DNAJC13: variants seen among roughly 807,000 people sequenced by gnomAD.
DNAJC13 encodes dnaJ homolog subfamily C member 13.
In DNAJC13, 75 loss-of-function variants were observed where a neutral mutation model predicts 290.5. The ratio of observed to expected loss-of-function variants is 0.26; its 90% confidence interval spans 0.21 to 0.31. The LOEUF (loss-of-function observed/expected upper bound fraction) is 0.31, where lower values mean the gene tolerates loss of function less well. DNAJC13 is among the 10% of genes least tolerant of loss of function. The pLI is 1.00. For synonymous variants in DNAJC13, 862 were observed against 892.0 expected (o/e 0.97, Z 0.60); for missense variants, 2,260 against 2,674.5 (o/e 0.85, Z 3.42).
At chr3:132,511,367 C>A (rs1935775431) in intron 44 of DNAJC13, 123 bp downstream of exon 44, 2 of 1,135,888 alleles carry the variant, frequency 1.8e-6, no homozygotes, top group Non-Finnish European at 2.5e-6. Flanking sequence ...ATTAATATAA[C>A]ATTACAGGGA....
At chr3:132,486,059 T>C (rs1328029833) in intron 29 of DNAJC13, among the ~76,000 whole-genome samples, 1 of 148,376 alleles carries the variant, frequency 6.7e-6, no homozygotes, top group Non-Finnish European at 1.5e-5. Flanking sequence ...GAAAAAGACT[T>C]CTAAATACAG....
intron 13 of DNAJC13, among the ~76,000 whole-genome samples, chr3:132,458,988 G>A (rs1159607185): frequency 7.2e-5 from 11 of 151,980 alleles, no homozygotes; most frequent in Admixed American, 7.2e-4. Context: ...TCCTTAACAG[G>A]CCTTGTCAAG....
intron 38 of DNAJC13, 118 bp downstream of exon 38, chr3:132,499,926 C>T (rs1392197544): frequency 5.8e-6 from 5 of 862,646 alleles, no homozygotes; most frequent in Non-Finnish European, 9.2e-6. Context: ...CTCCACCCCA[C>T]CCCAAGTTTC....
chr3:132,421,360 A>G (rs559683614), intron 1 of DNAJC13, among the ~76,000 whole-genome samples: 1 of 152,358 alleles, frequency 6.6e-6, no homozygotes, highest in African/African-American at 2.4e-5. Flanking sequence ...AGCAGAATTG[A>G]CTATATGCAT....
intron 53 of DNAJC13, among the ~76,000 whole-genome samples, chr3:132,527,667 T>C (rs1559914518): frequency 6.6e-6 from 1 of 152,250 alleles, no homozygotes; most frequent in Non-Finnish European, 1.5e-5. Context: ...CTAAATGTCT[T>C]TTATTTCTTC....
chr3:132,482,345 G>GC lies in DNAJC13; in HGVS notation c.2979+15_2979+16insC, dbSNP rs1451971820. The GC allele has an allele frequency of 6.2e-7, 1 of 1,604,666 alleles. No homozygotes were observed. Among genetic ancestry groups the GC allele is most frequent in the South Asian group, 1.1e-5 (1 of 90,508 alleles). The stretch of plus-strand genomic sequence containing the variant: ...GATTTCATGAGGTATGTATCTTGGA[G>GC]ATACTTTTGGTGAAGGTCTCAGCAT... On this transcript the variant is annotated intron_variant, in intron 27 of 55. Transcript: ENST00000260818.
intron 14 of DNAJC13, among the ~76,000 whole-genome samples, chr3:132,460,727 G>A (rs1223512482): frequency 6.6e-6 from 1 of 152,184 alleles, no homozygotes; most frequent in African/African-American, 2.4e-5. Flanking sequence ...AGGAACATAA[G>A]CAGATTGCCA....
intron 2 of DNAJC13, among the ~76,000 whole-genome samples, chr3:132,440,370 TAGCAATA>T (rs1373132897): frequency 1.3e-5 from 2 of 152,252 alleles, no homozygotes; most frequent in African/African-American, 4.8e-5. Flanking sequence ...AGTGGAATAA[TAGCAATA>T]GGAATAGCTA....
At chr3:132,515,362 G>A (rs564252682) in intron 46 of DNAJC13, among the ~76,000 whole-genome samples, 3 of 152,190 alleles carry the variant, frequency 2.0e-5, no homozygotes, top group East Asian at 1.9e-4. Flanking sequence ...AGAAGGAACC[G>A]TGTCGTTCAT....
At chr3:132,490,545 G>T (rs1935030284) in intron 31 of DNAJC13, among the ~76,000 whole-genome samples, 1 of 152,128 alleles carries the variant, frequency 6.6e-6, no homozygotes, top group Admixed American at 6.5e-5. Context: ...TATAATGCAG[G>T]ATAATTGATG....
At chr3:132,454,240 G>T in intron 9 of DNAJC13, 83 bp downstream of exon 9, 2 of 877,370 alleles carry the variant, frequency 2.3e-6, no homozygotes, top group Non-Finnish European at 3.4e-6. Flanking sequence ...AAGATATGTA[G>T]TCTAGAAATT....
Position 132,513,059 on chromosome 3 carries a change from G to T in DNAJC13, c.5345G>T (p.Arg1782Leu). Residue 1782 changes from arginine to leucine, a missense_variant, in exon 45 of 56, where the codon CGA (arginine) becomes CTA (leucine). Physicochemically the swap from Arg to Leu is moderately radical, Grantham distance 102. Transcript: ENST00000260818. The part of the protein sequence containing the change: ...GHFKLIFSLL[R>L]VHGAGQVQQL... The stretch of plus-strand genomic sequence containing the variant: ...TTTAAGTTGATATTTTCTCTTCTCC[G>T]AGTTCATGGAGCTGGTCAAGTGCAG... 6.2e-7 allele frequency: 1 copy of T among 1,613,282 alleles called. No individual in the cohort carries two copies. The highest frequency in any genetic ancestry group is 8.5e-7 in the Non-Finnish European group (1 of 1,179,458).
At position 132,467,534 on chromosome 3, in the gene DNAJC13, C is replaced by T. The variant is rs184767169; in HGVS notation, c.2208+221C>T. ...AGGCTGGAGTGCAGTGGAGCGATCT[C>T]GTCTCACTGCAAGCTCCGCCTCCTG... is the stretch of plus-strand genomic sequence containing the variant. On this transcript the variant is annotated intron_variant, in intron 20 of 55. Transcript: ENST00000260818. Among the ~76,000 whole-genome samples the T allele has an allele frequency of 2.6e-5, 4 of 152,246 alleles. No individual in the cohort carries two copies. In the East Asian group the frequency reaches 7.7e-4, roughly 29 times the overall value.
intron 1 of DNAJC13, among the ~76,000 whole-genome samples, chr3:132,422,330 C>G (rs73215984): frequency 6.6e-6 from 1 of 152,122 alleles, no homozygotes; most frequent in Admixed American, 6.6e-5. Context: ...AGCCACCATA[C>G]CTGGCTCACT....
chr3:132,524,742 G>C (rs554138856), intron 51 of DNAJC13, among the ~76,000 whole-genome samples: 5 of 152,298 alleles, frequency 3.3e-5, no homozygotes, highest in African/African-American at 1.2e-4. Flanking sequence ...AAAGCACATA[G>C]CAGTTTCCTC....
chr3:132,483,174 C>T (rs1230567059), intron 27 of DNAJC13, among the ~76,000 whole-genome samples: 1 of 151,976 alleles, frequency 6.6e-6, no homozygotes, highest in Non-Finnish European at 1.5e-5. Flanking sequence ...GCAGGCTGGC[C>T]AGGTGGTGGG....
rs1309540212 is a variant in DNAJC13, at chr3:132,484,645, T to C, written c.3240T>C (p.Asp1080=). Residue 1080 remains aspartate (D), a synonymous_variant, in exon 29 of 56, where the codon GAT becomes GAC. Coordinates refer to ENST00000260818, the MANE Select transcript of DNAJC13 (RefSeq NM_015268.4). ...PLPKVKRLLS[D]STCLPHIIQL... ...CCAAAGTGAAAAGACTGCTGTCAGA[T>C]AGCACTTGCCTTCCCCATATTATTC... 2 of 1,614,102 alleles carry C rather than the reference T, an allele frequency of 1.2e-6. No individual in the cohort carries two copies. The highest frequency in any genetic ancestry group is 1.1e-5 in the South Asian group (1 of 91,088).
intron 2 of DNAJC13, among the ~76,000 whole-genome samples, chr3:132,436,895 T>C (rs77271173): frequency 6.6e-6 from 1 of 151,668 alleles, no homozygotes; most frequent in Non-Finnish European, 1.5e-5. Context: ...TTTTTTTTTT[T>C]TTCTTTTTGA....
At chr3:132,538,108 T>G (rs1388018708) in intron 55 of DNAJC13, 68 bp from the exon 56 acceptor site, 1 of 1,353,776 alleles carries the variant, frequency 7.4e-7, no homozygotes, top group Admixed American at 1.9e-5. Flanking sequence ...GTTCTGACAT[T>G]TTTATAAAGG....
Sources: allele counts gnomAD v4.1 joint callset (sites outside exome capture counted in the v4.1 genomes callset), GRCh38; gene constraint gnomAD v4.1.1; transcripts MANE v1.5; gene names NCBI Gene and HGNC (gene_info 2026-07-23, HGNC 2026-07-21).